The following SIK2 variants were observed in gnomAD, a reference collection of about 807,000 sequenced individuals.
SIK2 encodes the protein serine/threonine-protein kinase SIK2.
SIK2 carries 29 observed loss-of-function variants against 103.2 expected under a neutral mutation model. That is an observed-to-expected ratio of 0.28 (90% CI 0.21 to 0.38). The LOEUF (loss-of-function observed/expected upper bound fraction) is 0.38, where lower values mean the gene tolerates loss of function less well. Among genes scored for constraint, SIK2 ranks in the 10% least tolerant of loss-of-function variants. The pLI is 1.00. For synonymous variants in SIK2, 412 were observed against 446.1 expected (o/e 0.92, Z 0.96); for missense variants, 879 against 1,171.0 (o/e 0.75, Z 3.64).
chr11:111,686,795 C>T lies in SIK2; in HGVS notation c.317-1206C>T, dbSNP rs568688583. Among the ~76,000 whole-genome samples the T allele has an allele frequency of 3.3e-5, 5 of 152,236 alleles. No homozygotes were observed. The South Asian group carries it at 1.0e-3, about 32-fold the overall frequency. ...CATTGCATAAAGATAGTATATCTTGCAAAATATATTTGTCTTACAGTTGAG... is the reference window on the plus strand; with the variant it reads ...CATTGCATAAAGATAGTATATCTTGTAAAATATATTTGTCTTACAGTTGAG... On this transcript the variant is annotated intron_variant, in intron 3 of 14. Coordinates refer to ENST00000304987, the MANE Select transcript of SIK2 (RefSeq NM_015191.3).
Position 111,672,750 on chromosome 11 carries a change from G to A in SIK2, c.317-15251G>A, listed in dbSNP as rs368570613. 1.9e-4 allele frequency among the ~76,000 whole-genome samples: 29 copies of A among 152,268 alleles called. No homozygotes were observed. The East Asian group carries it at 5.4e-3, about 28-fold the overall frequency. On this transcript the variant is annotated intron_variant, in intron 3 of 14. Coordinates refer to ENST00000304987, the MANE Select transcript of SIK2 (RefSeq NM_015191.3). ...TCAAGAGGATACAAGGACTTTTAATGTCTTTCAAGTCCTAGAATGATGTTT... is the reference window on the plus strand; with the variant it reads ...TCAAGAGGATACAAGGACTTTTAATATCTTTCAAGTCCTAGAATGATGTTT...
intron 4 of SIK2, among the ~76,000 whole-genome samples, chr11:111,697,890 G>A (rs184393622): frequency 2.0e-5 from 3 of 152,198 alleles, no homozygotes; most frequent in African/African-American, 4.8e-5. Flanking sequence ...TGAGTCTATG[G>A]TCCCAGCTGC....
intron 3 of SIK2, among the ~76,000 whole-genome samples, chr11:111,641,981 T>A (rs945397941): frequency 6.6e-6 from 1 of 152,068 alleles, no homozygotes; most frequent in African/African-American, 2.4e-5. Context: ...TTTCTGGTAC[T>A]ACAGTACCAG....
rs1943308619 is a variant in SIK2 at position 111,704,970 on chromosome 11, CTTGT to C, written c.949-14_949-11del. On this transcript the variant is annotated splice_polypyrimidine_tract_variant and intron_variant, in intron 7 of 14. Coordinates refer to ENST00000304987, the MANE Select transcript of SIK2 (RefSeq NM_015191.3). ...TCTTTACAGTTCTTTGCCTTTACCA[CTTGT>C]TTTTTATTTCAGTCTTTGCAGAACA... The C allele has an allele frequency of 1.9e-6, 3 of 1,591,884 alleles. No individual in the cohort carries two copies. The highest frequency in any genetic ancestry group is 2.7e-5 in the African/African-American group (2 of 73,128).
intron 1 of SIK2, 111 bp from the exon 2 acceptor site, chr11:111,616,132 C>T (rs760345537): frequency 9.1e-6 from 6 of 655,894 alleles, no homozygotes; most frequent in Non-Finnish European, 1.6e-5. Context: ...CTGCTATCAT[C>T]AGTGTCAGGA....
chr11:111,603,307 G>C (rs72645438), intron 1 of SIK2, among the ~76,000 whole-genome samples: 1 of 152,108 alleles, frequency 6.6e-6, no homozygotes, highest in Non-Finnish European at 1.5e-5. Context: ...TTGGTGTCTG[G>C]CTAGCTTGAT....
chr11:111,671,604 G>T, intron 3 of SIK2: 1 of 335,422 alleles, frequency 3.0e-6, no homozygotes, highest in South Asian at 2.9e-5. Flanking sequence ...CACAGACCTT[G>T]GTGATGATGC....
chr11:111,727,123 C>G lies in SIK2; in HGVS notation c.*2994C>G. 1 of 1,417,494 alleles carries G rather than the reference C, an allele frequency of 7.1e-7. No individual in the cohort carries two copies. The highest frequency in any genetic ancestry group is 9.9e-7 in the Non-Finnish European group (1 of 1,005,886). 87.8% of individuals were successfully genotyped at this position (1,417,494 alleles called of 1,614,324 possible). ...GCCCACTTTCACATTCCCGGTGACA[C>G]TGACCGTCCCCAGCTGCCCCCTCGC... is the stretch of plus-strand genomic sequence containing the variant. On this transcript the variant is annotated 3_prime_UTR_variant, in exon 15 of 15. Coordinates refer to ENST00000304987, the MANE Select transcript of SIK2 (RefSeq NM_015191.3).
chr11:111,701,077 C>T lies in SIK2; in HGVS notation c.603+67C>T. On this transcript the variant is annotated intron_variant, in intron 5 of 14. Coordinates refer to ENST00000304987, the MANE Select transcript of SIK2 (RefSeq NM_015191.3). This position sits in a 1 kb window ranked among gnomAD's most constrained non-coding sequence, Gnocchi z 4.2. ...GATAATACTTGGTGTTCTGGCCCAT[C>T]TTAGAAGCTCCTGGTACTTAACACA... The T allele has an allele frequency of 6.4e-7, 1 of 1,559,054 alleles. No individual in the cohort carries two copies.
intron 9 of SIK2, among the ~76,000 whole-genome samples, chr11:111,712,696 G>GT (rs1415788424): frequency 6.6e-6 from 1 of 152,076 alleles, no homozygotes; most frequent in Non-Finnish European, 1.5e-5. Flanking sequence ...TTGTTTGTTT[G>GT]TTTTTTCCCT....
At chr11:111,649,852 T>C (rs1306975831) in intron 3 of SIK2, among the ~76,000 whole-genome samples, 1 of 152,152 alleles carries the variant, frequency 6.6e-6, no homozygotes, top group Non-Finnish European at 1.5e-5. Flanking sequence ...ACAAGATCTT[T>C]TCTCCAGAAT....
chr11:111,632,519 A>G (rs1207523118), intron 3 of SIK2, among the ~76,000 whole-genome samples: 1 of 152,112 alleles, frequency 6.6e-6, no homozygotes, highest in East Asian at 1.9e-4. Context: ...TACATAAACT[A>G]TGTCATTTCA....
intron 3 of SIK2, among the ~76,000 whole-genome samples, chr11:111,621,079 G>C (rs977832893): frequency 2.0e-5 from 3 of 152,122 alleles, no homozygotes; most frequent in African/African-American, 7.2e-5. Context: ...TTTTTAAGCA[G>C]CTTTATTGAA....
At chr11:111,664,827 C>T (rs75393807) in intron 3 of SIK2, among the ~76,000 whole-genome samples, 3,261 of 152,078 alleles carry the variant, frequency 0.021, 117 homozygotes, top group African/African-American at 0.073. Flanking sequence ...GTTGGAACAG[C>T]GGAACTCTTA....
At chr11:111,666,359 A>G (rs1356088168) in intron 3 of SIK2, among the ~76,000 whole-genome samples, 1 of 152,212 alleles carries the variant, frequency 6.6e-6, no homozygotes, top group Non-Finnish European at 1.5e-5. Flanking sequence ...GAATCTTTGT[A>G]GGGTTGGAAG....
At chr11:111,695,419 T>TA (rs34751696) in intron 4 of SIK2, among the ~76,000 whole-genome samples, 40 of 152,034 alleles carry the variant, frequency 2.6e-4, no homozygotes, top group African/African-American at 9.2e-4. Context: ...TTTCCTGTTT[T>TA]AAAAAAAAGG....
chr11:111,665,654 T>C (rs1212617758), intron 3 of SIK2, among the ~76,000 whole-genome samples: 1 of 151,988 alleles, frequency 6.6e-6, no homozygotes, highest in Non-Finnish European at 1.5e-5. Context: ...AGAAACCCCA[T>C]CTATACTAAA....
chr11:111,661,483 G>A (rs141983605), intron 3 of SIK2, among the ~76,000 whole-genome samples: 1 of 152,312 alleles, frequency 6.6e-6, no homozygotes, highest in East Asian at 1.9e-4. Flanking sequence ...TTCTACAGAA[G>A]CCAGTCCCTG....
At position 111,701,403 on chromosome 11, in the gene SIK2, G is replaced by T; in HGVS notation, c.604-49G>T. On this transcript the variant is annotated intron_variant, in intron 5 of 14. Transcript: ENST00000304987. This position sits in a 1 kb window ranked among gnomAD's most constrained non-coding sequence, Gnocchi z 4.2. ...CTGGGGATGTTCAGGAAAACAAAGA[G>T]TGTTTGACGTTCTTGGTAGAAAAGT... The T allele has an allele frequency of 6.3e-7, 1 of 1,592,142 alleles. No individual in the cohort carries two copies. Among genetic ancestry groups the T allele is most frequent in the Non-Finnish European group, 8.6e-7 (1 of 1,165,070 alleles).
Sources: allele counts gnomAD v4.1 joint callset (sites outside exome capture counted in the v4.1 genomes callset), GRCh38; gene constraint gnomAD v4.1.1; non-coding constraint Gnocchi (gnomAD v3.1); transcripts MANE v1.5; gene names NCBI Gene and HGNC (gene_info 2026-07-23, HGNC 2026-07-21).